Variants in KATNB1 observed in about 807,000 individuals in gnomAD.
KATNB1 encodes katanin regulatory subunit B1, also known as katanin p80 WD40 repeat-containing subunit B1.
KATNB1 carries 38 observed loss-of-function variants against 82.3 expected under a neutral mutation model. The ratio of observed to expected loss-of-function variants is 0.46; its 90% CI spans 0.36 to 0.61. The LOEUF is 0.61. Ranked by LOEUF, KATNB1 falls within the 20% of genes least tolerant of loss-of-function variation. The probability of loss-of-function intolerance (pLI) is 0.00; values close to 1 mark genes in which losing one functional copy is unlikely to be tolerated. For missense variants in KATNB1, 749 were observed against 915.7 expected (o/e 0.82, Z 2.35); for synonymous variants, 361 against 368.7 (o/e 0.98, Z 0.24).
chr16:57,745,303 TGG>T (rs1555581109), intron 4 of KATNB1, among the ~76,000 whole-genome samples: 15 of 93,614 alleles, frequency 1.6e-4, no homozygotes, highest in African/African-American at 5.4e-4. Flanking sequence ...CACCTGAGGT[TGG>T]GAGTTCGAGA....
chr16:57,751,558 G>C lies in KATNB1; in HGVS notation c.433-83G>C. 1 of 1,284,554 alleles carries C rather than the reference G, an allele frequency of 7.8e-7. No individual in the cohort carries two copies. The highest frequency in any genetic ancestry group is 1.1e-6 in the Non-Finnish European group (1 of 890,390). 79.6% of individuals were successfully genotyped at this position (1,284,554 alleles called of 1,614,324 possible). A position where few individuals can be genotyped will look rare whatever the true frequency, so the allele number is the denominator to read the frequency against. On this transcript the variant is annotated intron_variant, in intron 6 of 19. Transcript: ENST00000379661. This position sits in a 1 kb window ranked among gnomAD's most constrained non-coding sequence, Gnocchi z 6.3. ...GGGTAACCAGTGTTGTTAGATGGAA[G>C]GGGTCCCATAGGAGTGAGGAGGCAG...
chr16:57,741,954 G>T (rs2049147234), intron 3 of KATNB1, 137 bp downstream of exon 3: 5 of 1,020,504 alleles, frequency 4.9e-6, no homozygotes, highest in South Asian at 4.4e-5. Flanking sequence ...GCCCAGCTCA[G>T]GGGTGGAGGG....
At position 57,735,792 on chromosome 16, in the gene KATNB1, G is replaced by A. The variant is rs930001607; in HGVS notation, c.-330G>A. ...GTCAAGCAGCGGCCAATCAAGGCAG[G>A]GGATGGAGGCAAGTGGGGGTCGCGC... is the stretch of plus-strand genomic sequence containing the variant. On this transcript the variant is annotated 5_prime_UTR_variant, in exon 1 of 20. Transcript: ENST00000379661. 1.3e-5 allele frequency: 2 copies of A among 152,412 alleles called. No homozygotes were observed. Among genetic ancestry groups the A allele is most frequent in the Admixed American group, 6.5e-5 (1 of 15,284 alleles). The allele number at this position is 152,412 out of a possible 1,614,324, so 9.4% of individuals were successfully genotyped here.
Position 57,741,682 on chromosome 16 carries a change from T to C in KATNB1, c.41-5T>C. 1 of 1,612,920 alleles carries C rather than the reference T, an allele frequency of 6.2e-7. No individual in the cohort carries two copies. The highest frequency in any genetic ancestry group is 8.5e-7 in the Non-Finnish European group (1 of 1,179,424). ...GATGGCCTCTCCCTCTCCTTCCCTG[T>C]GTAGAAGAGATCGTCGCGCATGCCA... On this transcript the variant is annotated splice_region_variant and splice_polypyrimidine_tract_variant and intron_variant, in intron 2 of 19. Transcript: ENST00000379661.
At chr16:57,741,607 G>T in intron 2 of KATNB1, 80 bp from the exon 3 acceptor site, 1 of 1,490,566 alleles carries the variant, frequency 6.7e-7, no homozygotes, top group Non-Finnish European at 9.1e-7. Flanking sequence ...TCCAAAGCGG[G>T]TAGCCGAGCA....
intron 8 of KATNB1, 33 bp from the exon 9 acceptor site, chr16:57,752,497 A>G: frequency 1.9e-6 from 3 of 1,547,472 alleles, no homozygotes; most frequent in Non-Finnish European, 2.6e-6. Context: ...GATGAGGGAT[A>G]GGCTTCGCAG....
chr16:57,740,734 C>A (rs781793089), intron 2 of KATNB1, among the ~76,000 whole-genome samples: 1 of 152,346 alleles, frequency 6.6e-6, no homozygotes, highest in Non-Finnish European at 1.5e-5. Context: ...TCTCCACGGA[C>A]CAGGCCAGGG....
intron 3 of KATNB1, among the ~76,000 whole-genome samples, 180 bp downstream of exon 3, chr16:57,741,997 A>G (rs1258653633): frequency 6.6e-6 from 1 of 152,196 alleles, no homozygotes; most frequent in Non-Finnish European, 1.5e-5. Flanking sequence ...TGCTTCCCCC[A>G]GCTGTCTGCT....
intron 9 of KATNB1, 34 bp downstream of exon 9, chr16:57,752,635 C>T: frequency 6.4e-7 from 1 of 1,550,774 alleles, no homozygotes; most frequent in South Asian, 1.2e-5. Flanking sequence ...GCCCAGCGCT[C>T]CTCCCGGCAG....
chr16:57,752,617 G>T lies in KATNB1; in HGVS notation c.704+16G>T. 6.4e-7 allele frequency: 1 copy of T among 1,557,774 alleles called. No individual in the cohort carries two copies. Among genetic ancestry groups the T allele is most frequent in the Non-Finnish European group, 8.7e-7 (1 of 1,150,920 alleles). ...GGCCCGTCAGGTACGCAGGCTGTGG[G>T]GTGGGCGGCCCAGCGCTCCTCCCGG... On this transcript the variant is annotated intron_variant, in intron 9 of 19. Transcript: ENST00000379661.
Position 57,752,547 on chromosome 16 carries a change from A to C in KATNB1, c.650A>C (p.Asp217Ala), listed in dbSNP as rs2049236830. ...CTTTGCAGGACAATCCGCTTCTGGG[A>C]CCTGGAGAAGTTCCAGGTGGTGAGC... ...GSSDRTIRFW[D>A]LEKFQVVSCI... is the part of the protein sequence containing the mutation. Residue 217 changes from aspartate to alanine, a missense_variant, in exon 9 of 20, where the codon GAC becomes GCC. Around this residue, in one of 3 missense-constraint regions of KATNB1, gnomAD observed 247 missense variants for 349.4 expected, o/e 0.71. Transcript: ENST00000379661. The C allele has an allele frequency of 6.4e-7, 1 of 1,567,304 alleles. No homozygotes were observed. The highest frequency in any genetic ancestry group is 1.3e-5 in the African/African-American group (1 of 74,328).
intron 4 of KATNB1, among the ~76,000 whole-genome samples, chr16:57,747,719 C>T (rs1397795315): frequency 6.6e-6 from 1 of 152,186 alleles, no homozygotes; most frequent in Non-Finnish European, 1.5e-5. Flanking sequence ...AGGTGGGCAG[C>T]TCCCTGGACC....
intron 1 of KATNB1, 133 bp downstream of exon 1, chr16:57,735,988 G>C (rs976611779): frequency 4.6e-5 from 7 of 152,272 alleles, no homozygotes; most frequent in African/African-American, 1.7e-4. Flanking sequence ...TCCGCAAGCA[G>C]AGGGTTGGGA....
chr16:57,741,847 G>A (rs782278812), intron 3 of KATNB1, 30 bp downstream of exon 3: 4 of 1,605,568 alleles, frequency 2.5e-6, no homozygotes, highest in East Asian at 2.2e-5. Context: ...GGGGGGTCAG[G>A]ACAAGGGCCT....
intron 4 of KATNB1, among the ~76,000 whole-genome samples, chr16:57,747,707 G>C (rs1317868428): frequency 6.6e-6 from 1 of 152,182 alleles, no homozygotes; most frequent in African/African-American, 2.4e-5. Context: ...GGCTCAGGCA[G>C]AAGGTGGGCA....
intron 4 of KATNB1, among the ~76,000 whole-genome samples, chr16:57,749,163 C>T (rs979070425): frequency 4.6e-5 from 7 of 152,212 alleles, no homozygotes; most frequent in African/African-American, 7.2e-5. Context: ...GCCCAGCTTG[C>T]GGGACAGCCA....
At chr16:57,741,257 A>AT (rs552620923) in intron 2 of KATNB1, among the ~76,000 whole-genome samples, 2 of 152,078 alleles carry the variant, frequency 1.3e-5, no homozygotes, top group Non-Finnish European at 2.9e-5. Context: ...GCATGGGTCA[A>AT]TTTTTTTTAT....
rs781975210 is a variant in KATNB1 at position 57,755,134 on chromosome 16, C to A, written c.1312C>A (p.Arg438=). 6.2e-7 allele frequency: 1 copy of A among 1,612,746 alleles called. No individual in the cohort carries two copies. The highest frequency in any genetic ancestry group is 1.7e-5 in the Admixed American group (1 of 60,020). ...FPVPNLEVLP[R]PPVVASTPAP... is the part of the protein sequence containing the mutation. The stretch of plus-strand genomic sequence containing the variant: ...ACACTTTCAGCTGGAGGTCCTGCCC[C>A]GGCCCCCAGTGGTTGCTTCCACACC... The change falls in exon 15 of 20, where the codon CGG becomes AGG. Residue 438 remains arginine (R), a synonymous_variant. Transcript: ENST00000379661.
chr16:57,747,183 G>T (rs540344375), intron 4 of KATNB1, among the ~76,000 whole-genome samples: 16 of 152,298 alleles, frequency 1.1e-4, no homozygotes, highest in Admixed American at 3.3e-4. Flanking sequence ...TGCCTGGCCT[G>T]CCTGATGCTT....
Sources: gnomAD v4.1 joint callset for allele counts (sites outside exome capture counted in the v4.1 genomes callset) on GRCh38, gnomAD v4.1.1 for gene constraint, gnomAD v4.1.1 regional missense constraint, Gnocchi (gnomAD v3.1) non-coding constraint, MANE v1.5 for transcripts, NCBI Gene and HGNC (gene_info 2026-07-23, HGNC 2026-07-21) for gene names.